The following RIMS1 variants were observed in gnomAD, a reference collection of about 807,000 sequenced individuals.
RIMS1 encodes the protein regulating synaptic membrane exocytosis protein 1.
In RIMS1, 83 loss-of-function variants were observed where a neutral mutation model predicts 214.1. That is an observed-to-expected ratio of 0.39 (90% CI 0.32 to 0.47). The LOEUF (loss-of-function observed/expected upper bound fraction) is 0.47. Ranked by LOEUF, RIMS1 falls within the 20% of genes least tolerant of loss-of-function variation. The pLI is 0.99. For missense variants in RIMS1, 2,050 were observed against 2,161.8 expected (o/e 0.95, Z 1.03); for synonymous variants, 793 against 786.8 (o/e 1.01, Z -0.13).
At position 72,392,830 on chromosome 6, in the gene RIMS1, T is replaced by A; in HGVS notation, c.4618+20T>A. On this transcript the variant is annotated intron_variant, in intron 31 of 33. Transcript: ENST00000521978. The stretch of plus-strand genomic sequence containing the variant: ...CAATGGGTAAGAATCATTTTTTTTT[T>A]CTACAAGAAAATTGATGTTTTGTGT... The A allele has an allele frequency of 7.1e-7, 1 of 1,405,810 alleles. No individual in the cohort carries two copies. The highest frequency in any genetic ancestry group is 1.0e-6 in the Non-Finnish European group (1 of 999,876). 87.1% of individuals were successfully genotyped at this position (1,405,810 alleles called of 1,614,324 possible). A position where few individuals can be genotyped will look rare whatever the true frequency, so the allele number is the denominator to read the frequency against.
At chr6:72,193,396 T>C (rs2050368363) in intron 6 of RIMS1, among the ~76,000 whole-genome samples, 1 of 152,240 alleles carries the variant, frequency 6.6e-6, no homozygotes, top group South Asian at 2.1e-4. Flanking sequence ...AAATAAATTG[T>C]GTGACTATAC....
intron 1 of RIMS1, among the ~76,000 whole-genome samples, chr6:71,920,420 T>C (rs1363335339): frequency 6.6e-6 from 1 of 152,164 alleles, no homozygotes; most frequent in Non-Finnish European, 1.5e-5. Flanking sequence ...CTCTTTACTA[T>C]CTTTATAACT....
At chr6:72,297,051 G>T (rs1480815144) in intron 26 of RIMS1, among the ~76,000 whole-genome samples, 2 of 151,612 alleles carry the variant, frequency 1.3e-5, no homozygotes, top group Non-Finnish European at 2.9e-5. Context: ...TTACATATTT[G>T]ATCTGTATTT....
intron 2 of RIMS1, among the ~76,000 whole-genome samples, chr6:72,049,419 A>T (rs1465230694): frequency 2.6e-5 from 4 of 152,176 alleles, no homozygotes; most frequent in South Asian, 4.1e-4. Context: ...GCAACATCTG[A>T]TTACACTTTA....
Position 72,251,048 on chromosome 6 carries a change from G to A in RIMS1, c.2500G>A (p.Asp834Asn). 1 of 1,585,072 alleles carries A rather than the reference G, an allele frequency of 6.3e-7. No homozygotes were observed. The highest frequency in any genetic ancestry group is 8.6e-7 in the Non-Finnish European group (1 of 1,164,566). Residue 834 changes from aspartate (D) to asparagine (N), a missense_variant, in exon 14 of 34, where the codon GAC (aspartate) becomes AAC (asparagine). This residue lies in a region of RIMS1 where 889 missense variants were observed against 885.5 expected (regional missense o/e 1.00). Coordinates refer to ENST00000521978, the MANE Select transcript of RIMS1 (RefSeq NM_014989.7). ...RERMLEITVW[D>N]QPRVQEEESE... The stretch of plus-strand genomic sequence containing the variant: ...ACGAATGTTAGAAATAACTGTGTGG[G>A]ACCAACCAAGAGTGCAAGAAGAAGA...
At chr6:72,380,670 T>C (rs1425181887) in intron 29 of RIMS1, among the ~76,000 whole-genome samples, 1 of 152,198 alleles carries the variant, frequency 6.6e-6, no homozygotes, top group Non-Finnish European at 1.5e-5. Context: ...TAATAAATGA[T>C]TTCAGTATAC....
chr6:72,029,393 G>A (rs1356602668), intron 2 of RIMS1, among the ~76,000 whole-genome samples: 2 of 152,128 alleles, frequency 1.3e-5, no homozygotes, highest in African/African-American at 2.4e-5. Context: ...GCCAATGTAA[G>A]AGGTTGGGCC....
At chr6:72,149,746 T>A (rs1217580163) in intron 4 of RIMS1, among the ~76,000 whole-genome samples, 2 of 152,202 alleles carry the variant, frequency 1.3e-5, no homozygotes, top group African/African-American at 2.4e-5. Context: ...GGATTTTTCT[T>A]GTTAAGTTTG....
chr6:72,154,646 A>T (rs1446486929), intron 4 of RIMS1, among the ~76,000 whole-genome samples: 1 of 140,644 alleles, frequency 7.1e-6, no homozygotes, highest in African/African-American at 2.5e-5. Flanking sequence ...AGAATCTAGG[A>T]GTTCACTGAA....
chr6:72,131,088 T>C (rs12198914), intron 4 of RIMS1, among the ~76,000 whole-genome samples: 1,805 of 152,278 alleles, frequency 0.012, 17 homozygotes, highest in Middle Eastern at 0.017. Context: ...CTTGGTTCCT[T>C]CCTTTCTAAT....
chr6:72,043,010 A>C lies in RIMS1; in HGVS notation c.246-53939A>C, dbSNP rs1821885205. Among the ~76,000 whole-genome samples, 4 of 151,824 alleles carry C rather than the reference A, an allele frequency of 2.6e-5. No individual in the cohort carries two copies. In the East Asian group the frequency reaches 7.7e-4, roughly 29 times the overall value. The stretch of plus-strand genomic sequence containing the variant: ...CCAAGAGCTAGCTTCAGACACTTGA[A>C]TTGGATATGAAAATGAATTCCAACT... On this transcript the variant is annotated intron_variant, in intron 2 of 33. Coordinates refer to ENST00000521978, the MANE Select transcript of RIMS1 (RefSeq NM_014989.7).
intron 2 of RIMS1, among the ~76,000 whole-genome samples, chr6:72,073,429 A>G (rs1015536115): frequency 6.6e-6 from 1 of 152,224 alleles, no homozygotes; most frequent in Non-Finnish European, 1.5e-5. Flanking sequence ...TGAATGCAAC[A>G]TGAATTTTCC....
intron 4 of RIMS1, among the ~76,000 whole-genome samples, chr6:72,127,458 G>A (rs1352056022): frequency 6.6e-6 from 1 of 152,058 alleles, no homozygotes; most frequent in Non-Finnish European, 1.5e-5. Context: ...ATTATGTCTT[G>A]AGAATTTATT....
At chr6:72,154,282 T>C (rs1223482070) in intron 4 of RIMS1, among the ~76,000 whole-genome samples, 1 of 140,236 alleles carries the variant, frequency 7.1e-6, no homozygotes, top group Non-Finnish European at 1.6e-5. Flanking sequence ...TATGTTGCTA[T>C]GCTTGCAGAC....
intron 4 of RIMS1, among the ~76,000 whole-genome samples, chr6:72,157,477 G>A (rs1036502645): frequency 2.1e-5 from 3 of 140,230 alleles, no homozygotes; most frequent in African/African-American, 7.4e-5. Flanking sequence ...TGAAATCAGA[G>A]TTGTGTGTCT....
chr6:72,370,359 T>G (rs145987458), intron 29 of RIMS1, among the ~76,000 whole-genome samples: 46 of 152,344 alleles, frequency 3.0e-4, no homozygotes, highest in African/African-American at 1.0e-3. Flanking sequence ...GATTACTTAG[T>G]GAAAAGACCA....
chr6:72,086,425 C>T (rs1005626432), intron 2 of RIMS1, among the ~76,000 whole-genome samples: 1 of 152,146 alleles, frequency 6.6e-6, no homozygotes, highest in African/African-American at 2.4e-5. Flanking sequence ...AGGAAAAATA[C>T]ACTGCTGTAA....
chr6:72,391,171 G>A (rs907307939), intron 30 of RIMS1, among the ~76,000 whole-genome samples: 1 of 152,092 alleles, frequency 6.6e-6, no homozygotes, highest in African/African-American at 2.4e-5. Context: ...GCTTTTCTAA[G>A]TCTAACACTG....
At chr6:72,183,459 A>G (rs1229381046) in intron 6 of RIMS1, among the ~76,000 whole-genome samples, 1 of 151,752 alleles carries the variant, frequency 6.6e-6, no homozygotes, top group Non-Finnish European at 1.5e-5. Context: ...TGGATTTATT[A>G]TTCTGTGAAA....
Sources: gnomAD v4.1 joint callset for allele counts (sites outside exome capture counted in the v4.1 genomes callset) on GRCh38, gnomAD v4.1.1 for gene constraint, gnomAD v4.1.1 regional missense constraint, MANE v1.5 for transcripts, NCBI Gene and HGNC (gene_info 2026-07-23, HGNC 2026-07-21) for gene names.